The following GSG1L variants were observed in gnomAD, a reference collection of about 807,000 sequenced individuals.
GSG1L encodes GSG1 like.
Under a neutral mutation model 42.1 loss-of-function variants are expected in GSG1L, and 24 were observed. The ratio of observed to expected loss-of-function variants is 0.57; its 90% CI spans 0.41 to 0.80. The LOEUF is 0.80. Ranked by LOEUF, GSG1L falls within the 30% of genes least tolerant of loss-of-function variation. The probability of loss-of-function intolerance (pLI) is 0.00; values close to 1 mark genes in which losing one functional copy is unlikely to be tolerated. For synonymous variants in GSG1L, 215 were observed against 203.5 expected (o/e 1.06, Z -0.48); for missense variants, 445 against 472.2 (o/e 0.94, Z 0.53).
chr16:27,947,521 AAAAGAAAGAAAGAATGAAGGAAAGAAAG>A (rs1567530699), intron 2 of GSG1L, among the ~76,000 whole-genome samples: 18 of 145,550 alleles, frequency 1.2e-4, no homozygotes, highest in African/African-American at 4.5e-4. Flanking sequence ...GAAAGAAAGA[AAAAGAAAGAAAGAATGAAGGAAAGAAAG>A]AAAGAAAGAA....
intron 1 of GSG1L, among the ~76,000 whole-genome samples, chr16:28,039,428 T>C (rs2086079806): frequency 6.6e-6 from 1 of 152,134 alleles, no homozygotes; most frequent in Admixed American, 6.5e-5. Flanking sequence ...AACTCTACGA[T>C]GCACAGGATT....
intron 1 of GSG1L, among the ~76,000 whole-genome samples, chr16:27,981,777 A>G (rs1425425339): frequency 2.0e-5 from 3 of 152,334 alleles, no homozygotes; most frequent in African/African-American, 7.2e-5. Context: ...GGCATTTTGT[A>G]TAAATCAAGG....
intron 5 of GSG1L, among the ~76,000 whole-genome samples, chr16:27,816,560 CT>C (rs1218763669): frequency 6.6e-6 from 1 of 152,212 alleles, no homozygotes; most frequent in Non-Finnish European, 1.5e-5. Context: ...AGATTTGTAA[CT>C]TTTGCCCAGT....
At chr16:27,935,929 A>G (rs1596625984) in intron 2 of GSG1L, among the ~76,000 whole-genome samples, 1 of 147,550 alleles carries the variant, frequency 6.8e-6, no homozygotes, top group Non-Finnish European at 1.5e-5. Context: ...TGCCTGGTGA[A>G]CCCTTGCCTA....
At chr16:27,984,066 C>A (rs1250616898) in intron 1 of GSG1L, among the ~76,000 whole-genome samples, 1 of 152,166 alleles carries the variant, frequency 6.6e-6, no homozygotes, top group Non-Finnish European at 1.5e-5. Context: ...TGAGGTGTGA[C>A]CAGCTACGCA....
At chr16:27,946,602 AGAGAGAGAGAGAGAGAGAG>A (rs1567529816) in intron 2 of GSG1L, among the ~76,000 whole-genome samples, 7 of 6,860 alleles carry the variant, frequency 1.0e-3, no homozygotes, top group African/African-American at 3.1e-3. Flanking sequence ...AGAGAGAGAG[AGAGAGAGAGAGAGAGAGAG>A]AGAGAGAGAG....
Position 27,948,872 on chromosome 16 carries a change from G to T in GSG1L, c.397+14284C>A, listed in dbSNP as rs186618589. ...GATCCGCCTGCCTCGGCCTCCCAAA[G>T]TGCTGGGATTACAGGTGTGAACCAC... On this transcript the variant is annotated intron_variant, in intron 2 of 6. Transcript: ENST00000447459. Among the ~76,000 whole-genome samples, 3 of 144,990 alleles carry T rather than the reference G, an allele frequency of 2.1e-5. No individual in the cohort carries two copies. In the East Asian group the frequency reaches 5.9e-4, roughly 29 times the overall value.
intron 1 of GSG1L, among the ~76,000 whole-genome samples, chr16:28,024,121 T>C (rs1473436829): frequency 1.3e-5 from 2 of 152,186 alleles, no homozygotes; most frequent in Non-Finnish European, 2.9e-5. Flanking sequence ...CTTGCCAAGA[T>C]ACGAGGTTTT....
chr16:27,970,973 C>A (rs540388648), intron 1 of GSG1L, among the ~76,000 whole-genome samples: 1 of 152,148 alleles, frequency 6.6e-6, no homozygotes, highest in African/African-American at 2.4e-5. Flanking sequence ...TAAGTAAAAG[C>A]GTTTATTTTA....
intron 5 of GSG1L, among the ~76,000 whole-genome samples, chr16:27,824,372 C>A (rs1364206955): frequency 1.3e-5 from 2 of 152,158 alleles, no homozygotes; most frequent in African/African-American, 4.8e-5. Context: ...CACCCTCTGT[C>A]CCCCGTGGAG....
chr16:27,886,122 A>C (rs2084025739), intron 2 of GSG1L, among the ~76,000 whole-genome samples: 1 of 152,074 alleles, frequency 6.6e-6, no homozygotes, highest in African/African-American at 2.4e-5. Flanking sequence ...GAACTTCTCT[A>C]TGCCTCAGTT....
At chr16:27,899,391 C>T (rs776867138) in intron 2 of GSG1L, among the ~76,000 whole-genome samples, 28 of 152,088 alleles carry the variant, frequency 1.8e-4, no homozygotes, top group Non-Finnish European at 3.5e-4. Flanking sequence ...CCTCACCTGA[C>T]TCACAGGTGA....
rs75814024 is a variant in GSG1L at position 27,920,616 on chromosome 16, G to A, written c.398-35978C>T. ...CAGAGCAGCCTGAGGAGCGTGGGCC[G>A]GTCACTTGCTATAGCAGCCATCCCG... is the stretch of plus-strand genomic sequence containing the variant. On this transcript the variant is annotated intron_variant, in intron 2 of 6. Transcript: ENST00000447459. Among the ~76,000 whole-genome samples, 570 of 152,302 alleles carry A rather than the reference G, an allele frequency of 3.7e-3. 4 individuals are homozygous for A. Among genetic ancestry groups the A allele is most frequent in the African/African-American group, 0.013 (537 of 41,558 alleles).
chr16:28,017,957 C>T (rs1035854498), intron 1 of GSG1L, among the ~76,000 whole-genome samples: 2 of 152,126 alleles, frequency 1.3e-5, no homozygotes, highest in Admixed American at 1.3e-4. Flanking sequence ...GTGGTGAGTA[C>T]ATGGGTATTT....
chr16:27,904,495 A>G (rs1249772534), intron 2 of GSG1L, among the ~76,000 whole-genome samples: 2 of 151,978 alleles, frequency 1.3e-5, no homozygotes, highest in Non-Finnish European at 2.9e-5. Context: ...CCTAGCATGT[A>G]TGACCATTCA....
At chr16:27,997,344 G>A (rs2085528123) in intron 1 of GSG1L, among the ~76,000 whole-genome samples, 1 of 92,280 alleles carries the variant, frequency 1.1e-5, no homozygotes, top group Non-Finnish European at 2.0e-5. Flanking sequence ...TTTTGAGACA[G>A]AGTCTTGCTC....
intron 1 of GSG1L, among the ~76,000 whole-genome samples, chr16:28,025,717 G>A (rs2085893947): frequency 6.6e-6 from 1 of 152,230 alleles, no homozygotes; most frequent in African/African-American, 2.4e-5. Context: ...AAAGAGCGGG[G>A]ACCCCATCCC....
chr16:27,947,857 C>T (rs1304424522), intron 2 of GSG1L, among the ~76,000 whole-genome samples: 1 of 152,164 alleles, frequency 6.6e-6, no homozygotes, highest in Non-Finnish European at 1.5e-5. Context: ...GACCGGCTCT[C>T]GGAGCCCTTT....
At chr16:27,990,280 G>C (rs908529340) in intron 1 of GSG1L, among the ~76,000 whole-genome samples, 1 of 152,050 alleles carries the variant, frequency 6.6e-6, no homozygotes, top group Non-Finnish European at 1.5e-5. Context: ...GTATACACTT[G>C]TGAGCAAAAT....
Sources: allele counts gnomAD v4.1 joint callset (sites outside exome capture counted in the v4.1 genomes callset), GRCh38; gene constraint gnomAD v4.1.1; transcripts MANE v1.5; gene names NCBI Gene and HGNC (gene_info 2026-07-23, HGNC 2026-07-21).